SUSD6: variants seen among roughly 807,000 people sequenced by gnomAD.
SUSD6 encodes the protein sushi domain-containing protein 6.
SUSD6 carries 16 observed loss-of-function variants against 28.4 expected under a neutral mutation model. The ratio of observed to expected loss-of-function variants is 0.56; its 90% CI spans 0.38 to 0.86. The LOEUF (loss-of-function observed/expected upper bound fraction) is 0.86. SUSD6 is among the 40% of genes least tolerant of loss of function. The pLI, the probability that SUSD6 is intolerant of heterozygous loss-of-function variation, is 0.00. For missense variants in SUSD6, 341 were observed against 384.2 expected, an observed-to-expected ratio of 0.89 and a Z score of 0.94; for synonymous variants, 147 against 159.6, an observed-to-expected ratio of 0.92 and a Z score of 0.59.
intron 4 of SUSD6, among the ~76,000 whole-genome samples, chr14:69,708,087 A>T (rs891098660): frequency 3.3e-5 from 5 of 152,218 alleles, no homozygotes; most frequent in African/African-American, 9.7e-5. Flanking sequence ...ACAAACTTTT[A>T]AAAAAAGCAG....
rs1406683960 is a variant in SUSD6, at chr14:69,714,890, A to G, written c.*3911A>G. 1 of 152,206 alleles carries G rather than the reference A, an allele frequency of 6.6e-6. No homozygotes were observed. Among genetic ancestry groups the G allele is most frequent in the East Asian group, 1.9e-4 (1 of 5,196 alleles). The allele number at this position is 152,206 out of a possible 1,614,324, so 9.4% of individuals were successfully genotyped here. On this transcript the variant is annotated 3_prime_UTR_variant, in exon 6 of 6. Coordinates refer to ENST00000342745, the MANE Select transcript of SUSD6 (RefSeq NM_014734.4). ...GGCTTCTTCAGGTTATCGCACCACTATGGAATCCTTTGCAGAATGGTACTC... is the reference window on the plus strand; with the variant it reads ...GGCTTCTTCAGGTTATCGCACCACTGTGGAATCCTTTGCAGAATGGTACTC...
intron 1 of SUSD6, among the ~76,000 whole-genome samples, chr14:69,626,540 T>A (rs927116319): frequency 6.6e-6 from 1 of 152,196 alleles, no homozygotes; most frequent in Non-Finnish European, 1.5e-5. Flanking sequence ...CACTTTTCAT[T>A]TTTCGTTGTA....
intron 2 of SUSD6, among the ~76,000 whole-genome samples, chr14:69,684,443 A>G (rs572260793): frequency 6.6e-6 from 1 of 152,362 alleles, no homozygotes; most frequent in South Asian, 2.1e-4. Flanking sequence ...AGATTCTATC[A>G]GTGGGGACAA....
chr14:69,619,803 C>T (rs2139590258), intron 1 of SUSD6, among the ~76,000 whole-genome samples: 1 of 152,060 alleles, frequency 6.6e-6, no homozygotes. Context: ...ACCACCTGAC[C>T]CCAGGCCAAT....
chr14:69,690,438 A>T (rs1323501182), intron 2 of SUSD6, among the ~76,000 whole-genome samples: 1 of 152,172 alleles, frequency 6.6e-6, no homozygotes, highest in East Asian at 1.9e-4. Flanking sequence ...AAAGATCCTT[A>T]AAGAGGCTTA....
intron 2 of SUSD6, among the ~76,000 whole-genome samples, chr14:69,685,198 C>T (rs28649375): frequency 0.094 from 14,297 of 152,192 alleles, 2,279 homozygotes; most frequent in African/African-American, 0.33. Context: ...GGTGATTTCA[C>T]TTGGTTTTTC....
intron 1 of SUSD6, among the ~76,000 whole-genome samples, chr14:69,636,376 G>C (rs529958014): frequency 6.6e-6 from 1 of 152,330 alleles, no homozygotes; most frequent in East Asian, 1.9e-4. Flanking sequence ...CAGCTTCCCT[G>C]AAATGAGTGC....
At chr14:69,612,238 C>G (rs1424713416) in intron 1 of SUSD6, among the ~76,000 whole-genome samples, 1 of 152,162 alleles carries the variant, frequency 6.6e-6, no homozygotes, top group Non-Finnish European at 1.5e-5. Context: ...CATTACTGCC[C>G]TCAGCCCAGC....
intron 2 of SUSD6, among the ~76,000 whole-genome samples, chr14:69,664,470 T>A (rs2139618633): frequency 6.6e-6 from 1 of 152,316 alleles, no homozygotes; most frequent in South Asian, 2.1e-4. Context: ...ACCCTGTTGA[T>A]GAAAGTGATG....
intron 1 of SUSD6, among the ~76,000 whole-genome samples, chr14:69,629,903 A>G: frequency 6.6e-6 from 1 of 152,070 alleles, no homozygotes; most frequent in East Asian, 1.9e-4. Context: ...CGGCGGTTGA[A>G]CCAGTTCCTA....
At chr14:69,652,267 C>A (rs551431279) in intron 1 of SUSD6, among the ~76,000 whole-genome samples, 3 of 152,092 alleles carry the variant, frequency 2.0e-5, no homozygotes, top group Non-Finnish European at 4.4e-5. Context: ...ATTGACATGG[C>A]AAAACCCTGT....
intron 2 of SUSD6, among the ~76,000 whole-genome samples, chr14:69,663,732 G>A (rs1414642507): frequency 6.6e-6 from 1 of 152,204 alleles, no homozygotes; most frequent in Non-Finnish European, 1.5e-5. Context: ...TAAGTGGTGA[G>A]GCTGGCTGGG....
chr14:69,639,197 G>A (rs1306326951), intron 1 of SUSD6, among the ~76,000 whole-genome samples: 13 of 151,400 alleles, frequency 8.6e-5, no homozygotes, highest in South Asian at 2.1e-4. Flanking sequence ...GCGTTGTGGC[G>A]GGCACCTGTA....
intron 1 of SUSD6, among the ~76,000 whole-genome samples, chr14:69,639,597 C>A (rs1885319492): frequency 6.6e-6 from 1 of 152,166 alleles, no homozygotes; most frequent in Non-Finnish European, 1.5e-5. Flanking sequence ...GACAAAAAGG[C>A]TTTCCAGTGG....
chr14:69,674,468 A>G (rs1428709479), intron 2 of SUSD6, among the ~76,000 whole-genome samples: 1 of 152,146 alleles, frequency 6.6e-6, no homozygotes, highest in East Asian at 1.9e-4. Flanking sequence ...TGGCAGAGCT[A>G]GCATGTACGT....
intron 1 of SUSD6, among the ~76,000 whole-genome samples, chr14:69,642,743 C>T (rs1374293499): frequency 6.6e-6 from 1 of 151,254 alleles, no homozygotes; most frequent in African/African-American, 2.4e-5. Context: ...CAAACCATAT[C>T]AGAGCATGAA....
chr14:69,621,885 T>A (rs1481010078), intron 1 of SUSD6, among the ~76,000 whole-genome samples: 1 of 152,216 alleles, frequency 6.6e-6, no homozygotes, highest in Non-Finnish European at 1.5e-5. Flanking sequence ...GCTGACATGC[T>A]TTTCTCTTGG....
intron 2 of SUSD6, among the ~76,000 whole-genome samples, chr14:69,700,962 C>G (rs1402185287): frequency 6.6e-6 from 1 of 151,970 alleles, no homozygotes; most frequent in African/African-American, 2.4e-5. Context: ...CAAGAAAATA[C>G]TGGAGAGTAT....
intron 2 of SUSD6, among the ~76,000 whole-genome samples, chr14:69,689,089 A>T (rs1477732127): frequency 6.6e-6 from 1 of 151,992 alleles, no homozygotes; most frequent in Non-Finnish European, 1.5e-5. Flanking sequence ...ACTCTCCTTT[A>T]TCCCCGTCAT....
Sources: allele counts gnomAD v4.1 joint callset (sites outside exome capture counted in the v4.1 genomes callset), GRCh38; gene constraint gnomAD v4.1.1; transcripts MANE v1.5; gene names NCBI Gene and HGNC (gene_info 2026-07-23, HGNC 2026-07-21).